The following ATAD2B variants were observed in gnomAD, a reference collection of about 807,000 sequenced individuals.
ATAD2B encodes the protein ATPase family AAA domain containing 2B.
Under a neutral mutation model 167.6 loss-of-function variants are expected in ATAD2B, and 40 were observed. That is an observed-to-expected ratio of 0.24 (90% CI 0.19 to 0.31). The LOEUF is 0.31. ATAD2B is among the 10% of genes least tolerant of loss of function. The probability of loss-of-function intolerance (pLI) is 1.00; values close to 1 mark genes in which losing one functional copy is unlikely to be tolerated. For synonymous variants in ATAD2B, 579 were observed against 596.5 expected (o/e 0.97, Z 0.43); for missense variants, 1,242 against 1,757.2 (o/e 0.71, Z 5.24).
chr2:23,860,519 T>TA (rs1001549027), intron 12 of ATAD2B, among the ~76,000 whole-genome samples: 2 of 152,238 alleles, frequency 1.3e-5, no homozygotes, highest in African/African-American at 2.4e-5. Context: ...GAGAAGTTTT[T>TA]ATCATATAAT....
At chr2:23,722,973 GA>G in the ATAD2B span, among the ~76,000 whole-genome samples, 1 of 151,928 alleles carries the variant, frequency 6.6e-6, no homozygotes, top group Non-Finnish European at 1.5e-5. Context: ...ATCTTAACAG[GA>G]AAAAAACAAA....
At chr2:23,813,347 TTATAA>T (rs1471510591) in intron 17 of ATAD2B, among the ~76,000 whole-genome samples, 2 of 147,882 alleles carry the variant, frequency 1.4e-5, no homozygotes, top group Admixed American at 6.7e-5. Flanking sequence ...ATAATATGAA[TTATAA>T]TATATAAGTT....
chr2:23,863,872 G>T (rs867210931), intron 11 of ATAD2B, among the ~76,000 whole-genome samples: 2 of 152,130 alleles, frequency 1.3e-5, no homozygotes, highest in African/African-American at 2.4e-5. Context: ...ATGATAGATA[G>T]ATTCAAATGA....
In ATAD2B at chr2:23,823,257, C is replaced by T. The variant is rs1267633575; in HGVS notation, c.2131+1G>A. ...CAATATAAAAAAGTAGTTTAGAGTA[C>T]CTTCTTTTTTGTCACTCTGGCTAAT... On this transcript the variant is annotated splice_donor_variant, in intron 16 of 27. Coordinates refer to ENST00000238789, the MANE Select transcript of ATAD2B (RefSeq NM_017552.4). LOFTEE classifies it high-confidence loss of function. The T allele has an allele frequency of 6.2e-7, 1 of 1,602,714 alleles. No homozygotes were observed. The highest frequency in any genetic ancestry group is 2.2e-5 in the East Asian group (1 of 44,692).
chr2:23,916,934 G>C (rs986563077), intron 1 of ATAD2B, among the ~76,000 whole-genome samples: 1 of 152,158 alleles, frequency 6.6e-6, no homozygotes, highest in African/African-American at 2.4e-5. Flanking sequence ...TAGACTTTAA[G>C]TACATACCAT....
intron 7 of ATAD2B, among the ~76,000 whole-genome samples, chr2:23,878,551 C>G (rs923195393): frequency 7.0e-6 from 1 of 142,134 alleles, no homozygotes; most frequent in South Asian, 2.3e-4. Flanking sequence ...CCCAGCTACT[C>G]GGGAGGCTGA....
chr2:23,727,815 A>T, the ATAD2B span, among the ~76,000 whole-genome samples: 1 of 152,210 alleles, frequency 6.6e-6, no homozygotes, highest in African/African-American at 2.4e-5. Flanking sequence ...AAATCTGAAA[A>T]GGCTACATAC....
intron 18 of ATAD2B, among the ~76,000 whole-genome samples, chr2:23,801,753 C>T (rs938655336): frequency 1.3e-5 from 2 of 151,900 alleles, no homozygotes; most frequent in Non-Finnish European, 2.9e-5. Flanking sequence ...AAACTACTTC[C>T]TCTAAATATT....
At chr2:23,834,968 A>G (rs1689694220) in intron 13 of ATAD2B, among the ~76,000 whole-genome samples, 1 of 152,204 alleles carries the variant, frequency 6.6e-6, no homozygotes, top group Admixed American at 6.5e-5. Flanking sequence ...AAACCACATC[A>G]ATAGTCATTA....
At chr2:23,754,825 C>A in intron 25 of ATAD2B, 51 bp from the exon 26 acceptor site, 1 of 1,570,268 alleles carries the variant, frequency 6.4e-7, no homozygotes, top group Admixed American at 1.8e-5. Context: ...TTAAGAAAAA[C>A]CAGTCTTAAG....
the ATAD2B span, among the ~76,000 whole-genome samples, chr2:23,723,225 C>A: frequency 6.6e-6 from 1 of 151,922 alleles, no homozygotes; most frequent in African/African-American, 2.4e-5. Context: ...GCCAGGAAGT[C>A]GAGACTGTGG....
rs575267503 is a variant in ATAD2B at position 23,785,782 on chromosome 2, G to A, written c.2973+245C>T. On this transcript the variant is annotated intron_variant, in intron 21 of 27. Transcript: ENST00000238789. Reference sequence around the variant, plus strand: ...AGGCAACCTTTAATCCTCTTAAATCGAAGAGTAAGAGACCACAAAGGTTAA... The same window carrying A: ...AGGCAACCTTTAATCCTCTTAAATCAAAGAGTAAGAGACCACAAAGGTTAA... 142 of 359,844 alleles carry A rather than the reference G, an allele frequency of 3.9e-4. 1 individual carries two copies. The highest frequency in any genetic ancestry group is 2.9e-3 in the African/African-American group (138 of 47,358). The allele number at this position is 359,844 out of a possible 1,614,324, so 22.3% of individuals were successfully genotyped here.
chr2:23,918,953 C>T (rs1703473316), intron 1 of ATAD2B, among the ~76,000 whole-genome samples: 1 of 152,166 alleles, frequency 6.6e-6, no homozygotes, highest in Non-Finnish European at 1.5e-5. Flanking sequence ...AATGAGACAG[C>T]ATTAAACAAC....
chr2:23,839,418 T>C (rs1690523157), intron 13 of ATAD2B, among the ~76,000 whole-genome samples: 1 of 152,146 alleles, frequency 6.6e-6, no homozygotes, highest in South Asian at 2.1e-4. Context: ...TTTATATTCC[T>C]TGTTCTCTAA....
chr2:23,692,008 G>A, the ATAD2B span: 3 of 832,380 alleles, frequency 3.6e-6, no homozygotes, highest in Non-Finnish European at 3.7e-6. Flanking sequence ...GGCTGAGTTT[G>A]GCAGGGCTGT....
intron 1 of ATAD2B, among the ~76,000 whole-genome samples, chr2:23,899,910 T>C (rs1291659581): frequency 1.4e-5 from 2 of 143,750 alleles, no homozygotes; most frequent in African/African-American, 5.1e-5. Flanking sequence ...TCTAATACAG[T>C]TTTCTTACTT....
At position 23,752,049 on chromosome 2, in the gene ATAD2B, T is replaced by A. The variant is rs767110065; in HGVS notation, c.4374A>T (p.Leu1458=). The A allele has an allele frequency of 6.4e-7, 1 of 1,562,454 alleles. No individual in the cohort carries two copies. The highest frequency in any genetic ancestry group is 1.4e-5 in the African/African-American group (1 of 73,916). ...TAAACCACTCATCTTGAAAAGTTCA[T>A]AGGAATGTCTCAAACATATGAACTG... ...ERTVHMFETF[L] Residue 1458 remains leucine, a synonymous_variant, in exon 28 of 28, where the codon CTA becomes CTT. Coordinates refer to ENST00000238789, the MANE Select transcript of ATAD2B (RefSeq NM_017552.4).
chr2:23,703,332 AC>A, the ATAD2B span: 1 of 1,541,924 alleles, frequency 6.5e-7, no homozygotes, highest in Non-Finnish European at 8.7e-7. Context: ...CTCCAGTCTT[AC>A]GTTCCTCAGA....
chr2:23,702,043 G>A, the ATAD2B span, among the ~76,000 whole-genome samples: 3 of 150,542 alleles, frequency 2.0e-5, no homozygotes, highest in Non-Finnish European at 2.9e-5. Flanking sequence ...GCCTGGTCTC[G>A]AACTCCCGAC....
Sources: allele counts gnomAD v4.1 joint callset (sites outside exome capture counted in the v4.1 genomes callset), GRCh38; gene constraint gnomAD v4.1.1; transcripts MANE v1.5; gene names NCBI Gene and HGNC (gene_info 2026-07-23, HGNC 2026-07-21).